Variants in GLP2R observed in about 807,000 individuals in gnomAD.
GLP2R encodes the protein glucagon-like peptide 2 receptor.
Under a neutral mutation model 68.2 loss-of-function variants are expected in GLP2R, and 59 were observed. That is an observed-to-expected ratio of 0.87 (90% CI 0.70 to 1.07). GLP2R has a LOEUF of 1.07. Ranked by LOEUF, GLP2R falls within the 50% of genes least tolerant of loss-of-function variation. GLP2R has a pLI of 0.00. For synonymous variants in GLP2R, 270 were observed against 265.4 expected (o/e 1.02, Z -0.17); for missense variants, 548 against 677.4 (o/e 0.81, Z 2.12).
intron 4 of GLP2R, among the ~76,000 whole-genome samples, chr17:9,852,457 T>C (rs1473143666): frequency 6.6e-6 from 1 of 152,210 alleles, no homozygotes; most frequent in Non-Finnish European, 1.5e-5. Flanking sequence ...ACATTTTCTT[T>C]ATCCAATCTA....
chr17:9,862,983 C>A (rs1187516983), intron 9 of GLP2R, among the ~76,000 whole-genome samples: 1 of 152,154 alleles, frequency 6.6e-6, no homozygotes, highest in African/African-American at 2.4e-5. Context: ...TCTGTTTAGA[C>A]CTGGGTGTGA....
intron 4 of GLP2R, among the ~76,000 whole-genome samples, chr17:9,842,855 C>T (rs974583022): frequency 3.9e-5 from 6 of 152,224 alleles, no homozygotes; most frequent in Non-Finnish European, 7.3e-5. Context: ...TTGATCCTGG[C>T]ATTTGTGCTT....
At chr17:9,841,341 T>C (rs2066785249) in intron 3 of GLP2R, among the ~76,000 whole-genome samples, 1 of 152,002 alleles carries the variant, frequency 6.6e-6, no homozygotes, top group Non-Finnish European at 1.5e-5. Context: ...GTGGCTGATA[T>C]TTTATTCAGC....
In GLP2R at chr17:9,859,904, G is replaced by A. The variant is rs115632347; in HGVS notation, c.766-38G>A. The A allele has an allele frequency of 6.0e-4, 908 of 1,501,474 alleles. 9 individuals carry two copies. The African/African-American group carries it at 0.011, about 19-fold the overall frequency. 93.0% of individuals were successfully genotyped at this position (1,501,474 alleles called of 1,614,324 possible). On this transcript the variant is annotated intron_variant, in intron 6 of 12. Coordinates refer to ENST00000262441, the MANE Select transcript of GLP2R (RefSeq NM_004246.3). ...CCCCGACTCGGGATCAGATGCAGGG[G>A]AGCCTGGACTCACCCTCAGGTGTTT... is the stretch of plus-strand genomic sequence containing the variant.
chr17:9,859,562 G>T (rs1449871100), intron 6 of GLP2R, among the ~76,000 whole-genome samples: 2 of 151,754 alleles, frequency 1.3e-5, no homozygotes, highest in African/African-American at 4.8e-5. Context: ...GGAGGCCAGG[G>T]CGGGTGGATC....
chr17:9,828,442 T>C (rs1247158960), intron 1 of GLP2R, among the ~76,000 whole-genome samples: 3 of 152,332 alleles, frequency 2.0e-5, no homozygotes, highest in Non-Finnish European at 4.4e-5. Context: ...CAGCTTATCA[T>C]GTAGTTTTGT....
Position 9,857,558 on chromosome 17 carries a change from G to A in GLP2R, c.747G>A (p.Trp249Ter). The A allele has an allele frequency of 6.2e-7, 1 of 1,614,186 alleles. No homozygotes were observed. Among genetic ancestry groups the A allele is most frequent in the Non-Finnish European group, 8.5e-7 (1 of 1,180,030 alleles). Reference protein sequence around the residue: ...YSKRPDNENGWMSYLSEMSTS... With the variant: ...YSKRPDNENG ...AGAGGCCTGACAATGAGAATGGGTGGATGTCCTACCTGTCAGAGGTAATCC... is the reference window on the plus strand; with the variant it reads ...AGAGGCCTGACAATGAGAATGGGTGAATGTCCTACCTGTCAGAGGTAATCC... The change falls in exon 6 of 13, where the codon TGG becomes TGA. Residue 249 changes from tryptophan (W) to a stop codon, truncating the protein, a stop_gained. Transcript: ENST00000262441. LOFTEE classifies it high-confidence loss of function.
chr17:9,840,016 C>A (rs933849348), intron 3 of GLP2R, among the ~76,000 whole-genome samples: 1 of 144,556 alleles, frequency 6.9e-6, no homozygotes, highest in African/African-American at 2.6e-5. Context: ...GAGTCTTGCT[C>A]TGTTGCCCAG....
intron 3 of GLP2R, among the ~76,000 whole-genome samples, chr17:9,838,666 T>C (rs1235644518): frequency 6.6e-6 from 1 of 152,108 alleles, no homozygotes; most frequent in Non-Finnish European, 1.5e-5. Context: ...TTCTGGAATG[T>C]GAAGGGAGTG....
intron 1 of GLP2R, among the ~76,000 whole-genome samples, chr17:9,832,065 T>A (rs2066684910): frequency 6.6e-6 from 1 of 152,152 alleles, no homozygotes; most frequent in South Asian, 2.1e-4. Flanking sequence ...CATCTCTGTA[T>A]CCTCTTTAAT....
At position 9,890,058 on chromosome 17, in the gene GLP2R, G is replaced by A. The variant is rs769246132; in HGVS notation, c.*353G>A. 34 of 465,582 alleles carry A rather than the reference G, an allele frequency of 7.3e-5. No individual in the cohort carries two copies. The highest frequency in any genetic ancestry group is 5.1e-4 in the South Asian group (33 of 64,630). 28.8% of individuals were successfully genotyped at this position (465,582 alleles called of 1,614,324 possible). A position where few individuals can be genotyped will look rare whatever the true frequency, so the allele number is the denominator to read the frequency against. On this transcript the variant is annotated 3_prime_UTR_variant, in exon 13 of 13. Coordinates refer to ENST00000262441, the MANE Select transcript of GLP2R (RefSeq NM_004246.3). ...CCAATATCTCTTCCTTTATCCCTTG[G>A]GGTGCATGCTTTCCATCTGAGGTTG... is the stretch of plus-strand genomic sequence containing the variant.
rs117278845 is a variant in GLP2R, at chr17:9,863,078, C to T, written c.1056+988C>T. On this transcript the variant is annotated intron_variant, in intron 9 of 12. Coordinates refer to ENST00000262441, the MANE Select transcript of GLP2R (RefSeq NM_004246.3). ...GTCATCTCTGGTCTATGAGGTGGCACGTATGCTGCGGTATCTTCCCTCCTG... is the reference window on the plus strand; with the variant it reads ...GTCATCTCTGGTCTATGAGGTGGCATGTATGCTGCGGTATCTTCCCTCCTG... 4.0e-3 allele frequency among the ~76,000 whole-genome samples: 604 copies of T among 152,208 alleles called. 3 individuals carry two copies. Among genetic ancestry groups the T allele is most frequent in the Admixed American group, 6.1e-3 (93 of 15,294 alleles).
intron 9 of GLP2R, among the ~76,000 whole-genome samples, chr17:9,865,205 A>C (rs1216446584): frequency 6.6e-6 from 1 of 152,122 alleles, no homozygotes; most frequent in Admixed American, 6.5e-5. Flanking sequence ...CCTCCCTGCA[A>C]CGTCTATTCA....
chr17:9,831,367 G>T (rs1336558556), intron 1 of GLP2R, among the ~76,000 whole-genome samples: 4 of 152,166 alleles, frequency 2.6e-5, no homozygotes, highest in Non-Finnish European at 4.4e-5. Flanking sequence ...TGTATTCAGA[G>T]ATGAAAGACA....
intron 1 of GLP2R, among the ~76,000 whole-genome samples, chr17:9,828,791 C>A (rs2066655109): frequency 6.6e-6 from 1 of 152,132 alleles, no homozygotes; most frequent in African/African-American, 2.4e-5. Context: ...GCTTACCAGG[C>A]TGAGAAAGCC....
At chr17:9,828,255 T>A (rs149293948) in intron 1 of GLP2R, among the ~76,000 whole-genome samples, 47 of 152,334 alleles carry the variant, frequency 3.1e-4, no homozygotes, top group African/African-American at 1.1e-3. Flanking sequence ...TCTTGCCATC[T>A]TGGCAGCCTC....
chr17:9,860,174 T>C, intron 7 of GLP2R, 73 bp downstream of exon 7: 2 of 1,394,700 alleles, frequency 1.4e-6, no homozygotes, highest in Non-Finnish European at 1.9e-6. Context: ...AGACTTTAGT[T>C]GGACTTAGAA....
intron 10 of GLP2R, among the ~76,000 whole-genome samples, chr17:9,879,916 G>A (rs944510831): frequency 6.6e-6 from 1 of 152,106 alleles, no homozygotes; most frequent in African/African-American, 2.4e-5. Context: ...GTATGACCCT[G>A]GGCAACTCAT....
At chr17:9,849,748 G>A (rs1471272142) in intron 4 of GLP2R, among the ~76,000 whole-genome samples, 1 of 151,690 alleles carries the variant, frequency 6.6e-6, no homozygotes, top group African/African-American at 2.4e-5. Flanking sequence ...GAGTAGCTGG[G>A]ACTACAGGCG....
Sources: gnomAD v4.1 joint callset for allele counts (sites outside exome capture counted in the v4.1 genomes callset) on GRCh38, gnomAD v4.1.1 for gene constraint, MANE v1.5 for transcripts, NCBI Gene and HGNC (gene_info 2026-07-23, HGNC 2026-07-21) for gene names.